MAD1L1: variants seen among roughly 807,000 people sequenced by gnomAD.
MAD1L1 encodes mitotic spindle assembly checkpoint protein MAD1.
A neutral mutation model predicts 96.9 loss-of-function variants in MAD1L1; 95 were observed. That is an observed-to-expected ratio of 0.98 (90% confidence interval 0.83 to 1.16). The LOEUF (loss-of-function observed/expected upper bound fraction) is 1.16, where lower values mean the gene tolerates loss of function less well. Among genes scored for constraint, MAD1L1 ranks in the 50% most tolerant of loss-of-function variants. The probability of loss-of-function intolerance (pLI) is 0.00; values close to 1 mark genes in which losing one functional copy is unlikely to be tolerated. For missense variants in MAD1L1, 1,007 were observed against 954.4 expected (o/e 1.06, Z -0.73); for synonymous variants, 473 against 396.6 (o/e 1.19, Z -2.29).
intron 10 of MAD1L1, among the ~76,000 whole-genome samples, chr7:2,207,372 C>T (rs535492184): frequency 4.6e-5 from 7 of 152,252 alleles, no homozygotes; most frequent in East Asian, 1.9e-4. Flanking sequence ...GGTGGTTATC[C>T]GAAACACCAA....
At chr7:1,864,625 G>A (rs536596812) in intron 18 of MAD1L1, among the ~76,000 whole-genome samples, 1 of 152,324 alleles carries the variant, frequency 6.6e-6, no homozygotes, top group East Asian at 1.9e-4. Context: ...CCCCATGCGG[G>A]GCTGTGGCCT....
At chr7:2,009,717 G>A (rs1242434409) in intron 13 of MAD1L1, among the ~76,000 whole-genome samples, 1 of 152,196 alleles carries the variant, frequency 6.6e-6, no homozygotes, top group Non-Finnish European at 1.5e-5. Context: ...GGAAGGCTAG[G>A]GGGTGGACGC....
chr7:2,168,541 C>T (rs1790548982), intron 10 of MAD1L1, among the ~76,000 whole-genome samples: 1 of 152,234 alleles, frequency 6.6e-6, no homozygotes, highest in African/African-American at 2.4e-5. Flanking sequence ...GTGGCCTGGG[C>T]TTTCCTGAAC....
chr7:1,918,125 C>T (rs1346481198), intron 17 of MAD1L1, among the ~76,000 whole-genome samples: 2 of 152,162 alleles, frequency 1.3e-5, no homozygotes, highest in African/African-American at 4.8e-5. Context: ...GGACCGTGCT[C>T]CACTCTGCAG....
At chr7:2,046,576 C>G (rs1172321415) in intron 12 of MAD1L1, among the ~76,000 whole-genome samples, 3 of 152,208 alleles carry the variant, frequency 2.0e-5, no homozygotes, top group Non-Finnish European at 4.4e-5. Flanking sequence ...AGACGGAACT[C>G]TGCGTGGCGA....
intron 6 of MAD1L1, 54 bp downstream of exon 6, chr7:2,219,278 C>T (rs992994475): frequency 2.9e-5 from 43 of 1,480,426 alleles, no homozygotes; most frequent in African/African-American, 7.0e-5. Flanking sequence ...AGAGGTGGGA[C>T]GCATGCCCCC....
chr7:1,854,458 G>A (rs1488079474), intron 18 of MAD1L1: 1 of 440,638 alleles, frequency 2.3e-6, no homozygotes, highest in Non-Finnish European at 4.5e-6. Flanking sequence ...ACAAGGGCAG[G>A]GTAAGGCACA....
At chr7:2,038,740 C>T (rs1247333365) in intron 12 of MAD1L1, among the ~76,000 whole-genome samples, 1 of 64,998 alleles carries the variant, frequency 1.5e-5, no homozygotes, top group Non-Finnish European at 2.7e-5. Flanking sequence ...TCTCGAACTC[C>T]TGCTGACCTC....
Position 1,823,512 on chromosome 7 carries a change from C to T in MAD1L1, c.1999-7284G>A, listed in dbSNP as rs549268540. ...CCTGCCCATCTCTCCTAGAACGCCA[C>T]GGCCACAGGGGACCCTGGCACCTGG... On this transcript the variant is annotated intron_variant, in intron 18 of 18. Coordinates refer to ENST00000265854, the MANE Select transcript of MAD1L1 (RefSeq NM_001013836.2). Among the ~76,000 whole-genome samples, 35 of 152,310 alleles carry T rather than the reference C, an allele frequency of 2.3e-4. No individual in the cohort carries two copies. In the South Asian group the frequency reaches 5.0e-3, roughly 22 times the overall value.
intron 11 of MAD1L1, among the ~76,000 whole-genome samples, chr7:2,128,075 CTCA>C (rs890008624): frequency 6.6e-6 from 1 of 152,184 alleles, no homozygotes; most frequent in Admixed American, 6.5e-5. Context: ...TCGGTTACAA[CTCA>C]TCAACTCGGG....
chr7:1,922,601 C>T (rs752328836), intron 17 of MAD1L1, among the ~76,000 whole-genome samples: 2 of 152,194 alleles, frequency 1.3e-5, no homozygotes, highest in Non-Finnish European at 2.9e-5. Flanking sequence ...GGAAAAGGGT[C>T]GGTCCTGCCT....
At chr7:1,974,923 G>A (rs1780566777) in intron 15 of MAD1L1, among the ~76,000 whole-genome samples, 1 of 152,246 alleles carries the variant, frequency 6.6e-6, no homozygotes, top group Non-Finnish European at 1.5e-5. Flanking sequence ...CAGGACCCAG[G>A]CAGGCAGGGC....
At chr7:2,061,572 A>G (rs73048910) in intron 12 of MAD1L1, among the ~76,000 whole-genome samples, 19,898 of 152,228 alleles carry the variant, frequency 0.13, 1,871 homozygotes, top group African/African-American at 0.26. Context: ...GACCAGCACC[A>G]TCCACACCCC....
At chr7:1,871,813 C>T (rs1331918181) in intron 18 of MAD1L1, among the ~76,000 whole-genome samples, 1 of 152,352 alleles carries the variant, frequency 6.6e-6, no homozygotes, top group South Asian at 2.1e-4. Flanking sequence ...GCGGTGCAGG[C>T]TTCCCCGGAG....
intron 15 of MAD1L1, among the ~76,000 whole-genome samples, chr7:1,958,518 A>G (rs1372130344): frequency 1.3e-5 from 2 of 152,246 alleles, no homozygotes; most frequent in Non-Finnish European, 2.9e-5. Context: ...GCGTCCCAGC[A>G]CACCACAACA....
chr7:1,919,033 G>A (rs922477472), intron 17 of MAD1L1, among the ~76,000 whole-genome samples: 1 of 152,242 alleles, frequency 6.6e-6, no homozygotes, highest in Non-Finnish European at 1.5e-5. Context: ...GGCCCATGCC[G>A]CCGTGATCCG....
chr7:1,946,666 C>T (rs1029076410), intron 16 of MAD1L1, among the ~76,000 whole-genome samples: 10 of 152,216 alleles, frequency 6.6e-5, no homozygotes, highest in Admixed American at 3.3e-4. Flanking sequence ...GCGGGTGCAG[C>T]GGGAGAATGC....
chr7:1,887,643 G>A (rs893151635), intron 18 of MAD1L1, among the ~76,000 whole-genome samples: 1 of 149,674 alleles, frequency 6.7e-6, no homozygotes, highest in African/African-American at 2.4e-5. Context: ...GTGCATGCAT[G>A]CATGTGGGTG....
rs1787009547 is a variant in MAD1L1, at chr7:1,898,204, A to C, written c.1994T>G (p.Phe665Cys). 6.2e-7 allele frequency: 1 copy of C among 1,608,046 alleles called. No individual in the cohort carries two copies. Among genetic ancestry groups the C allele is most frequent in the Admixed American group, 1.7e-5 (1 of 59,050 alleles). ...YAEHPGDCLI[F>C]KATSPSGSKM... ...GCCGTCACACGCAGGACCCACCTTG[A>C]AGATGAGGCAGTCGCCTGGGTGCTC... The change falls in exon 18 of 19, where the codon TTC (phenylalanine) becomes TGC (cysteine). Residue 665 changes from phenylalanine (F) to cysteine (C), a missense_variant. Phe to Cys is a radical substitution (Grantham distance 205, BLOSUM62 -2). Transcript: ENST00000265854.
Sources: gnomAD v4.1 joint callset for allele counts (sites outside exome capture counted in the v4.1 genomes callset) on GRCh38, gnomAD v4.1.1 for gene constraint, MANE v1.5 for transcripts, NCBI Gene and HGNC (gene_info 2026-07-23, HGNC 2026-07-21) for gene names.